The following NINL variants were observed in gnomAD, a reference collection of about 807,000 sequenced individuals.
The protein encoded by NINL is ninein like, also known as ninein-like protein.
In NINL, 153 loss-of-function variants were observed where a neutral mutation model predicts 160.3. The observed-to-expected ratio is 0.95, with a 90% CI of 0.84 to 1.09. The LOEUF is 1.09. NINL is among the 50% of genes least tolerant of loss of function. NINL has a pLI of 0.00. For missense variants in NINL, 1,829 were observed against 1,764.0 expected (o/e 1.04, Z -0.66); for synonymous variants, 800 against 734.8 (o/e 1.09, Z -1.43).
In NINL at chr20:25,452,963, T is replaced by G. The variant is rs1361252445; in HGVS notation, c.*488A>C. 6.5e-6 allele frequency: 1 copy of G among 152,792 alleles called. No individual in the cohort carries two copies. The highest frequency in any genetic ancestry group is 2.4e-5 in the African/African-American group (1 of 41,538). 9.5% of individuals were successfully genotyped at this position (152,792 alleles called of 1,614,324 possible). On this transcript the variant is annotated 3_prime_UTR_variant, in exon 24 of 24. Transcript: ENST00000278886. Reference sequence around the variant, plus strand: ...CCCCTCCTTTCTCGCTGGGTTGACGTTCCCAGCGAGTGAAGCCTTTTCTGG... The same window carrying G: ...CCCCTCCTTTCTCGCTGGGTTGACGGTCCCAGCGAGTGAAGCCTTTTCTGG...
rs571484845 is a variant in NINL, at chr20:25,489,885, A to G, written c.1586T>C (p.Leu529Pro). 4 of 1,613,970 alleles carry G rather than the reference A, an allele frequency of 2.5e-6. No individual in the cohort carries two copies. The highest frequency in any genetic ancestry group is 2.7e-5 in the African/African-American group (2 of 74,974). ...AGCAAAGGGACTCGCCTTGTCCTTCAGCACAAACTCCAGGTCCTTCTGCAG... is the reference window on the plus strand; with the variant it reads ...AGCAAAGGGACTCGCCTTGTCCTTCGGCACAAACTCCAGGTCCTTCTGCAG... Reference protein sequence around the residue: ...LKLQKDLEFVLKDKLEPQSAE... With the variant: ...LKLQKDLEFVPKDKLEPQSAE... The change falls in exon 12 of 24, where the codon CTG becomes CCG. Residue 529 changes from leucine (L) to proline (P), a missense_variant. Transcript: ENST00000278886.
At position 25,574,617 on chromosome 20, in the gene NINL, C is replaced by T. The variant is rs539820448; in HGVS notation, c.-12+10838G>A. On this transcript the variant is annotated intron_variant, in intron 1 of 23. Coordinates refer to ENST00000278886, the MANE Select transcript of NINL (RefSeq NM_025176.6). ...TCCTAGACAGGTCCTGGAGCTCCTC[C>T]TGTTGGACCTTCTGGGGCCATCGGT... is the stretch of plus-strand genomic sequence containing the variant. Among the ~76,000 whole-genome samples the T allele has an allele frequency of 3.3e-5, 5 of 152,284 alleles. 1 individual carries two copies. Among genetic ancestry groups the T allele is most frequent in the African/African-American group, 9.6e-5 (4 of 41,546 alleles).
chr20:25,503,081 G>A (rs1019760724), intron 7 of NINL, among the ~76,000 whole-genome samples: 1 of 152,208 alleles, frequency 6.6e-6, no homozygotes, highest in Non-Finnish European at 1.5e-5. Context: ...ACTACCTTCT[G>A]TAGCCCTGGG....
At chr20:25,466,522 G>A (rs1258732329) in intron 19 of NINL, among the ~76,000 whole-genome samples, 2 of 152,086 alleles carry the variant, frequency 1.3e-5, no homozygotes, top group East Asian at 1.9e-4. Context: ...GGGGTAAGCC[G>A]GGTACAGTGG....
chr20:25,513,499 T>G (rs1165869194), intron 3 of NINL, among the ~76,000 whole-genome samples: 9 of 152,318 alleles, frequency 5.9e-5, no homozygotes, highest in Non-Finnish European at 1.2e-4. Flanking sequence ...TGAGCCTTAT[T>G]AACAATCATC....
intron 7 of NINL, 126 bp from the exon 8 acceptor site, chr20:25,501,136 T>A (rs1294840564): frequency 8.0e-7 from 1 of 1,244,716 alleles, no homozygotes; most frequent in African/African-American, 1.5e-5. Context: ...CATGAGACCA[T>A]CCTCAGCTCT....
intron 9 of NINL, among the ~76,000 whole-genome samples, chr20:25,497,730 C>T (rs60505561): frequency 0.021 from 3,202 of 152,326 alleles, 101 homozygotes; most frequent in African/African-American, 0.072. Context: ...GACAGCCCAG[C>T]CTGGGAGCCC....
intron 1 of NINL, among the ~76,000 whole-genome samples, chr20:25,538,976 C>T (rs2064610818): frequency 1.3e-5 from 2 of 152,218 alleles, no homozygotes; most frequent in African/African-American, 4.8e-5. Context: ...GCCCTGCCCA[C>T]TGACCTGCAG....
At chr20:25,513,737 A>G (rs2064115847) in intron 3 of NINL, among the ~76,000 whole-genome samples, 1 of 152,120 alleles carries the variant, frequency 6.6e-6, no homozygotes, top group Non-Finnish European at 1.5e-5. Context: ...CTGGTTGTTT[A>G]AAAGTGTGTA....
chr20:25,567,692 A>G (rs1199002180), intron 1 of NINL, among the ~76,000 whole-genome samples: 2 of 152,166 alleles, frequency 1.3e-5, no homozygotes, highest in East Asian at 1.9e-4. Context: ...CATAAAACAT[A>G]TATCAATACA....
intron 1 of NINL, among the ~76,000 whole-genome samples, chr20:25,533,897 C>T (rs1183300668): frequency 6.6e-6 from 1 of 152,180 alleles, no homozygotes; most frequent in Non-Finnish European, 1.5e-5. Context: ...GAGAAAGCTT[C>T]ATGATGTTGG....
At chr20:25,510,575 A>G in intron 5 of NINL, 99 bp downstream of exon 5, 1 of 1,057,410 alleles carries the variant, frequency 9.5e-7, no homozygotes, top group Non-Finnish European at 1.5e-6. Flanking sequence ...TTCCCAGGAA[A>G]TTAAACTTGT....
intron 1 of NINL, among the ~76,000 whole-genome samples, chr20:25,547,005 A>G (rs2147078495): frequency 6.6e-6 from 1 of 152,308 alleles, no homozygotes; most frequent in East Asian, 1.9e-4. Context: ...CACCAGTCAT[A>G]TAGAACCAGG....
chr20:25,500,694 T>C (rs917964121), intron 8 of NINL, 146 bp downstream of exon 8: 7 of 673,012 alleles, frequency 1.0e-5, no homozygotes, highest in Non-Finnish European at 1.7e-5. Flanking sequence ...GATAGGTTTC[T>C]ACCTGGACTT....
rs566998884 is a variant in NINL, at chr20:25,496,929, C to G, written c.1170-126G>C. On this transcript the variant is annotated intron_variant, in intron 9 of 23. Coordinates refer to ENST00000278886, the MANE Select transcript of NINL (RefSeq NM_025176.6). ...TAGCACACCAACTATACAGCGGGCA[C>G]TGCTCCACCAGCCTGCTCCTAAGGC... The G allele has an allele frequency of 2.4e-6, 3 of 1,235,068 alleles. No homozygotes were observed. In the East Asian group the frequency reaches 7.2e-5, roughly 30 times the overall value. The allele number at this position is 1,235,068 out of a possible 1,614,324, so 76.5% of individuals were successfully genotyped here.
rs1382701130 is a variant in NINL at position 25,496,728 on chromosome 20, C to T, written c.1245G>A (p.Leu415=). The T allele has an allele frequency of 2.5e-6, 4 of 1,613,962 alleles. No homozygotes were observed. The highest frequency in any genetic ancestry group is 3.4e-6 in the Non-Finnish European group (4 of 1,180,040). The change falls in exon 10 of 24, where the codon CTG becomes CTA. Residue 415 remains leucine, a synonymous_variant. Transcript: ENST00000278886. Reference sequence around the variant, plus strand: ...AGTCGTCCATCTCTTTCACAAACTCCAGGTTCCTCTTCTCGGCCCTCTCCA... The same window carrying T: ...AGTCGTCCATCTCTTTCACAAACTCTAGGTTCCTCTTCTCGGCCCTCTCCA... ...QDLERAEKRN[L]EFVKEMDDCH... is the part of the protein sequence containing the mutation.
chr20:25,507,975 C>T (rs1200108257), intron 5 of NINL, among the ~76,000 whole-genome samples: 1 of 152,184 alleles, frequency 6.6e-6, no homozygotes, highest in Non-Finnish European at 1.5e-5. Context: ...CTGGAAGGAA[C>T]CCCAACCTGG....
intron 17 of NINL, among the ~76,000 whole-genome samples, chr20:25,471,596 G>C (rs2146449619): frequency 6.6e-6 from 1 of 152,274 alleles, no homozygotes; most frequent in East Asian, 1.9e-4. Context: ...AAACCTGCAA[G>C]AATCTCCAAA....
At chr20:25,507,226 A>G (rs1396781774) in intron 5 of NINL, among the ~76,000 whole-genome samples, 2 of 148,664 alleles carry the variant, frequency 1.3e-5, no homozygotes, top group Non-Finnish European at 2.9e-5. Flanking sequence ...GTTAGCATCA[A>G]AGTCTAGTTT....
Sources: allele counts gnomAD v4.1 joint callset (sites outside exome capture counted in the v4.1 genomes callset), GRCh38; gene constraint gnomAD v4.1.1; transcripts MANE v1.5; gene names NCBI Gene and HGNC (gene_info 2026-07-23, HGNC 2026-07-21).